LRRC37A2: variants seen among roughly 807,000 people sequenced by gnomAD.
LRRC37A2 encodes leucine-rich repeat-containing protein 37A2.
In LRRC37A2, 9 loss-of-function variants were observed where a neutral mutation model predicts 68.8. That is an observed-to-expected ratio of 0.13 (90% CI 0.08 to 0.23). The LOEUF is 0.23. Ranked by LOEUF, LRRC37A2 falls within the 10% of genes least tolerant of loss-of-function variation. The pLI is 1.00. For missense variants in LRRC37A2, 168 were observed against 950.4 expected (o/e 0.18, Z 10.82); for synonymous variants, 63 against 367.6 (o/e 0.17, Z 9.48).
chr17:46,754,661 G>C, the LRRC37A2 span, among the ~76,000 whole-genome samples: 1 of 152,146 alleles, frequency 6.6e-6, no homozygotes, highest in Non-Finnish European at 1.5e-5. Flanking sequence ...TAATAATAAC[G>C]ACCTGAACGA....
At chr17:46,785,045 G>A in the LRRC37A2 span, among the ~76,000 whole-genome samples, 49 of 152,222 alleles carry the variant, frequency 3.2e-4, no homozygotes, top group East Asian at 9.5e-3. Flanking sequence ...CCAAAGTGCT[G>A]GGATTACAGG....
At chr17:46,812,006 G>A in the LRRC37A2 span, among the ~76,000 whole-genome samples, 2 of 152,226 alleles carry the variant, frequency 1.3e-5, no homozygotes, top group East Asian at 3.9e-4. Context: ...AGGTGCCTTA[G>A]CTATTCCGCT....
At chr17:46,837,726 C>T in the LRRC37A2 span, among the ~76,000 whole-genome samples, 3 of 152,176 alleles carry the variant, frequency 2.0e-5, no homozygotes, top group Admixed American at 2.0e-4. Context: ...AGGGATGGCT[C>T]ATGGTCAGTG....
chr17:46,807,092 C>T, the LRRC37A2 span, among the ~76,000 whole-genome samples: 2 of 152,168 alleles, frequency 1.3e-5, no homozygotes, highest in Non-Finnish European at 2.9e-5. Flanking sequence ...AGGAACCAAC[C>T]TCAGCTTTAG....
chr17:46,739,761 C>T, the LRRC37A2 span, among the ~76,000 whole-genome samples: 9 of 151,348 alleles, frequency 5.9e-5, no homozygotes, highest in African/African-American at 9.7e-5. Flanking sequence ...TGCAGTGGCG[C>T]GATCTCAACT....
At chr17:46,985,452 G>A in the LRRC37A2 span, among the ~76,000 whole-genome samples, 305 of 151,736 alleles carry the variant, frequency 2.0e-3, 1 homozygote, top group African/African-American at 6.6e-3. Context: ...CCTGGGAGGC[G>A]GAGGTTGCAG....
At chr17:46,474,923 ACTTT>A in the LRRC37A2 span, among the ~76,000 whole-genome samples, 2 of 110,228 alleles carry the variant, frequency 1.8e-5, no homozygotes, top group Non-Finnish European at 4.0e-5. Context: ...TCGACTACTT[ACTTT>A]CTATCTATAC....
chr17:47,018,764 G>A, the LRRC37A2 span: 18 of 1,521,018 alleles, frequency 1.2e-5, no homozygotes, highest in Non-Finnish European at 1.5e-5. Context: ...AGACTCCAGA[G>A]TTTCCTAATG....
the LRRC37A2 span, chr17:46,872,895 T>G: frequency 8.2e-7 from 1 of 1,218,678 alleles, no homozygotes; most frequent in Non-Finnish European, 1.1e-6. Context: ...CTGCCCTTCC[T>G]GCCCTAGCAC....
At chr17:46,728,448 A>G in the LRRC37A2 span, among the ~76,000 whole-genome samples, 1 of 152,082 alleles carries the variant, frequency 6.6e-6, no homozygotes, top group African/African-American at 2.4e-5. Context: ...CAAAGTGAAT[A>G]TTTAGAAGCT....
the LRRC37A2 span, among the ~76,000 whole-genome samples, chr17:47,001,566 C>T: frequency 1.3e-5 from 2 of 152,066 alleles, no homozygotes; most frequent in Non-Finnish European, 2.9e-5. Flanking sequence ...TAGTATACAG[C>T]TGAAATCATT....
chr17:46,801,089 C>T, the LRRC37A2 span, among the ~76,000 whole-genome samples: 1 of 152,226 alleles, frequency 6.6e-6, no homozygotes, highest in African/African-American at 2.4e-5. Flanking sequence ...TTCATCCTCA[C>T]AATAGCCCTC....
the LRRC37A2 span, chr17:47,017,528 C>A: frequency 6.3e-7 from 1 of 1,593,198 alleles, no homozygotes; most frequent in Admixed American, 1.7e-5. Context: ...TCCTGGACAC[C>A]TGGGATTCAG....
At chr17:46,991,220 C>T in the LRRC37A2 span, among the ~76,000 whole-genome samples, 1 of 152,184 alleles carries the variant, frequency 6.6e-6, no homozygotes, top group Non-Finnish European at 1.5e-5. Flanking sequence ...CCTAACTGGT[C>T]TTCTAAATAC....
chr17:47,031,250 A>G, the LRRC37A2 span, among the ~76,000 whole-genome samples: 1 of 148,756 alleles, frequency 6.7e-6, no homozygotes, highest in Non-Finnish European at 1.5e-5. Context: ...CAAGCGCAGT[A>G]AAGTCAAACA....
the LRRC37A2 span, among the ~76,000 whole-genome samples, chr17:46,795,984 T>G: frequency 6.6e-6 from 1 of 151,758 alleles, no homozygotes. Flanking sequence ...GAATAGAGGA[T>G]TAAAAAAAAA....
chr17:46,843,587 C>G, the LRRC37A2 span, among the ~76,000 whole-genome samples: 3 of 152,188 alleles, frequency 2.0e-5, no homozygotes, highest in Non-Finnish European at 4.4e-5. Flanking sequence ...TACTGCTGCA[C>G]AGTCGTTAAA....
chr17:46,492,321 A>C, the LRRC37A2 span, among the ~76,000 whole-genome samples: 2 of 150,922 alleles, frequency 1.3e-5, no homozygotes, highest in African/African-American at 5.0e-5. Context: ...ACAGTGCATA[A>C]TGTATTTAAG....
the LRRC37A2 span, chr17:46,935,353 GTTCC>G: frequency 5.6e-5 from 81 of 1,458,620 alleles, no homozygotes; most frequent in Middle Eastern, 1.4e-3. Flanking sequence ...AAAGTACCCA[GTTCC>G]TTTGCCAGTG....
Sources: gnomAD v4.1 joint callset for allele counts (sites outside exome capture counted in the v4.1 genomes callset) on GRCh38, gnomAD v4.1.1 for gene constraint, MANE v1.5 for transcripts, NCBI Gene and HGNC (gene_info 2026-07-23, HGNC 2026-07-21) for gene names.